HNRNPH2: variants seen among roughly 807,000 people sequenced by gnomAD.
HNRNPH2 encodes the protein FTP-3.
For synonymous variants in HNRNPH2, 128 were observed against 128.2 expected, an observed-to-expected ratio of 1.00 and a Z score of 0.01; for missense variants, 115 against 352.9, an observed-to-expected ratio of 0.33 and a Z score of 5.40.
Position 101,413,091 on chromosome X carries a change from G to A in HNRNPH2, c.1103G>A (p.Ser368Asn). The change falls in exon 2 of 2, where the codon AGT (serine) becomes AAT (asparagine). Residue 368 changes from serine (S) to asparagine (N), a missense_variant. By Grantham distance (46) the Ser-to-Asn change is conservative. Transcript: ENST00000316594. ...ELFLNSTAGT[S>N]GGAYDHSYVE... is the part of the protein sequence containing the mutation. Reference sequence around the variant, plus strand: ...TTCTTAAATTCTACTGCAGGAACAAGTGGGGGTGCTTACGATCACAGCTAT... The same window carrying A: ...TTCTTAAATTCTACTGCAGGAACAAATGGGGGTGCTTACGATCACAGCTAT... The A allele has an allele frequency of 1.7e-6, 2 of 1,212,042 alleles. No homozygotes were observed. Among genetic ancestry groups the A allele is most frequent in the Non-Finnish European group, 2.2e-6 (2 of 895,499 alleles).
At position 101,413,177 on chromosome X, in the gene HNRNPH2, A is replaced by T; in HGVS notation, c.1189A>T (p.Met397Leu). 8.3e-7 allele frequency: 1 copy of T among 1,211,483 alleles called. No homozygotes were observed. The highest frequency in any genetic ancestry group is 1.8e-5 in the South Asian group (1 of 56,978). ...TGGTGGCGCTTATGGTAGCCAAATG[A>T]TGGGAGGGATGGGCTTATCCAACCA... ...ASGGAYGSQMMGGMGLSNQSS... is the reference protein window; with the variant it reads ...ASGGAYGSQMLGGMGLSNQSS... The change falls in exon 2 of 2, where the codon ATG (methionine) becomes TTG (leucine). Residue 397 changes from methionine (M) to leucine (L), a missense_variant. Met to Leu is a conservative substitution (Grantham distance 15). Transcript: ENST00000316594.
chrX:101,411,554 C>T (rs1300221555), intron 1 of HNRNPH2, among the ~76,000 whole-genome samples: 2 of 107,736 alleles, frequency 1.9e-5, no homozygotes, highest in Non-Finnish European at 3.8e-5. Context: ...GCTGGGATTA[C>T]AGGCACCTGC....
intron 1 of HNRNPH2, among the ~76,000 whole-genome samples, chrX:101,410,954 TAGAAC>T: frequency 8.9e-6 from 1 of 111,760 alleles, no homozygotes. Flanking sequence ...CTCCAACCAA[TAGAAC>T]TGATCAACTA....
At chrX:101,411,247 A>G (rs1357988039) in intron 1 of HNRNPH2, among the ~76,000 whole-genome samples, 8 of 110,184 alleles carry the variant, frequency 7.3e-5, no homozygotes, top group Non-Finnish European at 1.5e-4. Context: ...ACATTTTTAT[A>G]TAATGAAGAT....
intron 1 of HNRNPH2, among the ~76,000 whole-genome samples, chrX:101,410,041 A>G (rs1928731808): frequency 4.4e-5 from 5 of 112,446 alleles, no homozygotes; most frequent in African/African-American, 6.5e-5. Flanking sequence ...GTATGGGAAC[A>G]TGTATTTTGT....
chrX:101,412,021 C>T lies in HNRNPH2; in HGVS notation c.33C>T (p.Phe11=). MMLSTEGREG[F]VVKVRGLPWS... Reference sequence around the variant, plus strand: ...TGAGCACGGAAGGCAGGGAGGGGTTCGTGGTGAAGGTCAGGGGCCTACCCT... The same window carrying T: ...TGAGCACGGAAGGCAGGGAGGGGTTTGTGGTGAAGGTCAGGGGCCTACCCT... Residue 11 remains phenylalanine (F), a synonymous_variant, in exon 2 of 2, where the codon TTC becomes TTT. Transcript: ENST00000316594. 2.5e-6 allele frequency: 3 copies of T among 1,208,667 alleles called. No individual in the cohort carries two copies. The highest frequency in any genetic ancestry group is 1.8e-5 in the South Asian group (1 of 56,736).
chrX:101,411,634 C>G (rs952803767), intron 1 of HNRNPH2, among the ~76,000 whole-genome samples: 2 of 109,399 alleles, frequency 1.8e-5, no homozygotes, highest in African/African-American at 6.7e-5. Flanking sequence ...AGGCTGGTCT[C>G]GAACTGCTGA....
chrX:101,408,333 T>G lies in HNRNPH2; in HGVS notation c.-54+14T>G, dbSNP rs1928627480. On this transcript the variant is annotated intron_variant, in intron 1 of 1. Coordinates refer to ENST00000316594, the MANE Select transcript of HNRNPH2 (RefSeq NM_019597.5). ...GTATCGTTAGAGGTTGGTGTGTGGGTGGGAACTGGGGACCCAGGGGTGGTG... is the reference window on the plus strand; with the variant it reads ...GTATCGTTAGAGGTTGGTGTGTGGGGGGGAACTGGGGACCCAGGGGTGGTG... 4.8e-6 allele frequency: 1 copy of G among 207,539 alleles called. No homozygotes were observed. The highest frequency in any genetic ancestry group is 3.0e-5 in the African/African-American group (1 of 33,869). The allele number at this position is 207,539 out of a possible 1,213,427, so 17.1% of individuals were successfully genotyped here.
intron 1 of HNRNPH2, 114 bp from the exon 2 acceptor site, chrX:101,411,822 G>A: frequency 1.2e-6 from 1 of 809,381 alleles, no homozygotes; most frequent in Non-Finnish European, 1.7e-6. Context: ...TTATACAGAC[G>A]TCTTACAGAA....
chrX:101,410,141 C>G (rs1464413933), intron 1 of HNRNPH2, among the ~76,000 whole-genome samples: 1 of 112,221 alleles, frequency 8.9e-6, no homozygotes, highest in Non-Finnish European at 1.9e-5. Context: ...ATTTTTGTAA[C>G]TTTTAAAATT....
intron 1 of HNRNPH2, among the ~76,000 whole-genome samples, chrX:101,409,109 G>T (rs1394605251): frequency 1.0e-5 from 1 of 96,704 alleles, no homozygotes; most frequent in Non-Finnish European, 2.1e-5. Context: ...GCGGTGCAGG[G>T]AATTAAATGG....
At chrX:101,408,814 C>T (rs183295182) in intron 1 of HNRNPH2, among the ~76,000 whole-genome samples, 1 of 111,888 alleles carries the variant, frequency 8.9e-6, no homozygotes, top group African/African-American at 3.2e-5. Flanking sequence ...GTTTATTTTT[C>T]TGCTGATAAC....
At position 101,412,550 on chromosome X, in the gene HNRNPH2, C is replaced by G; in HGVS notation, c.562C>G (p.Arg188Gly). Residue 188 changes from arginine (R) to glycine (G), a missense_variant, in exon 2 of 2, where the codon CGA becomes GGA. By Grantham distance (125) the Arg-to-Gly change is moderately radical. Transcript: ENST00000316594. ...GTACATTGAGATCTTCAAGAGTAGC[C>G]GAGCTGAAGTTCGAACCCACTATGA... ...HRYIEIFKSS[R>G]AEVRTHYDPP... is the part of the protein sequence containing the mutation. The G allele has an allele frequency of 8.3e-7, 1 of 1,211,371 alleles. No homozygotes were observed. Among genetic ancestry groups the G allele is most frequent in the Non-Finnish European group, 1.1e-6 (1 of 895,145 alleles).
intron 1 of HNRNPH2, among the ~76,000 whole-genome samples, chrX:101,408,643 C>T (rs187104483): frequency 9.0e-6 from 1 of 111,510 alleles, no homozygotes; most frequent in African/African-American, 3.3e-5. Flanking sequence ...AAATAGTGGT[C>T]TGAGTGCTGG....
Position 101,408,241 on chromosome X carries a change from A to G in HNRNPH2, c.-132A>G, listed in dbSNP as rs781897357. The G allele has an allele frequency of 4.5e-4, 142 of 313,643 alleles. 2 individuals are homozygous for G. The South Asian group carries it at 5.1e-3, about 11-fold the overall frequency. 25.8% of individuals were successfully genotyped at this position (313,643 alleles called of 1,213,427 possible). On this transcript the variant is annotated 5_prime_UTR_variant, in exon 1 of 2. Transcript: ENST00000316594. ...GTGATTACTCGCTTACGTGAGCAGA[A>G]GTAGTTCTGGTCGTCGTCTACCGTC... is the stretch of plus-strand genomic sequence containing the variant.
chrX:101,411,460 G>T (rs1928798475), intron 1 of HNRNPH2, among the ~76,000 whole-genome samples: 1 of 91,734 alleles, frequency 1.1e-5, no homozygotes, highest in Admixed American at 1.3e-4. Flanking sequence ...TGGTCGCTGA[G>T]GCTGGAGTGC....
Position 101,408,236 on chromosome X carries a change from G to A in HNRNPH2, c.-137G>A. 3.1e-6 allele frequency: 1 copy of A among 323,996 alleles called. No homozygotes were observed. The highest frequency in any genetic ancestry group is 3.6e-5 in the South Asian group (1 of 27,678). 26.7% of individuals were successfully genotyped at this position (323,996 alleles called of 1,213,427 possible). ...CTCACGTGATTACTCGCTTACGTGA[G>A]CAGAAGTAGTTCTGGTCGTCGTCTA... is the stretch of plus-strand genomic sequence containing the variant. On this transcript the variant is annotated 5_prime_UTR_variant, in exon 1 of 2. Coordinates refer to ENST00000316594, the MANE Select transcript of HNRNPH2 (RefSeq NM_019597.5).
rs1555988271 is a variant in HNRNPH2 at position 101,411,987 on chromosome X, C to T, written c.-2C>T. Reference sequence around the variant, plus strand: ...CTTGCCACCAAGAGCCCAACAATCACCATGATGCTGAGCACGGAAGGCAGG... The same window carrying T: ...CTTGCCACCAAGAGCCCAACAATCATCATGATGCTGAGCACGGAAGGCAGG... On this transcript the variant is annotated 5_prime_UTR_variant, in exon 2 of 2. Transcript: ENST00000316594. The T allele has an allele frequency of 1.7e-6, 2 of 1,202,780 alleles. No individual in the cohort carries two copies. The highest frequency in any genetic ancestry group is 3.0e-5 in the East Asian group (1 of 33,706).
Position 101,413,652 on chromosome X carries a change from A to C in HNRNPH2, c.*314A>C, listed in dbSNP as rs1427555426. ...AACATTCATCTAGGACATAATAACA[A>C]AGTTCAGTATTGACCATAACTGTTA... On this transcript the variant is annotated 3_prime_UTR_variant, in exon 2 of 2. Transcript: ENST00000316594. 4.7e-6 allele frequency: 1 copy of C among 214,732 alleles called. No individual in the cohort carries two copies. Among genetic ancestry groups the C allele is most frequent in the African/African-American group, 3.0e-5 (1 of 33,883 alleles). The allele number at this position is 214,732 out of a possible 1,213,427, so 17.7% of individuals were successfully genotyped here.
Sources: allele counts gnomAD v4.1 joint callset (sites outside exome capture counted in the v4.1 genomes callset), GRCh38; gene constraint gnomAD v4.1.1; transcripts MANE v1.5; gene names NCBI Gene and HGNC (gene_info 2026-07-23, HGNC 2026-07-21).